The following NALF1 variants were observed in gnomAD, a reference collection of about 807,000 sequenced individuals.
The protein encoded by NALF1 is family with sequence similarity 155 member A.
NALF1 carries 3 observed loss-of-function variants against 48.4 expected under a neutral mutation model. The observed-to-expected ratio is 0.06, with a 90% CI of 0.03 to 0.16. The LOEUF (loss-of-function observed/expected upper bound fraction) is 0.16. Ranked by LOEUF, NALF1 falls within the 10% of genes least tolerant of loss-of-function variation. The pLI is 1.00. For missense variants in NALF1, 526 were observed against 571.5 expected (o/e 0.92, Z 0.81); for synonymous variants, 262 against 245.7 (o/e 1.07, Z -0.62).
chr13:107,617,661 A>C (rs1879416278), intron 1 of NALF1, among the ~76,000 whole-genome samples: 1 of 152,248 alleles, frequency 6.6e-6, no homozygotes, highest in South Asian at 2.1e-4. Flanking sequence ...CTAAGGCAGG[A>C]AAGCCTGGTA....
At chr13:107,798,864 G>T (rs930419177) in intron 1 of NALF1, among the ~76,000 whole-genome samples, 1 of 152,056 alleles carries the variant, frequency 6.6e-6, no homozygotes, top group Non-Finnish European at 1.5e-5. Flanking sequence ...AGAACAAAAC[G>T]CAACTTTTTC....
chr13:107,485,643 C>A (rs529277210), intron 1 of NALF1, among the ~76,000 whole-genome samples: 1 of 152,100 alleles, frequency 6.6e-6, no homozygotes, highest in Non-Finnish European at 1.5e-5. Context: ...CAGTAGAGAA[C>A]GAAGTTTGCA....
chr13:107,395,451 G>A (rs552650953), intron 1 of NALF1, among the ~76,000 whole-genome samples: 126 of 152,200 alleles, frequency 8.3e-4, no homozygotes, highest in African/African-American at 2.9e-3. Flanking sequence ...CCAGGAAGAC[G>A]CAGTCAAATC....
chr13:107,341,156 A>G (rs1882673186), intron 1 of NALF1, among the ~76,000 whole-genome samples: 1 of 151,784 alleles, frequency 6.6e-6, no homozygotes, highest in Non-Finnish European at 1.5e-5. Flanking sequence ...CCTAGACTCT[A>G]TCAATTGACA....
chr13:107,662,159 T>C (rs1262955542), intron 1 of NALF1, among the ~76,000 whole-genome samples: 1 of 152,190 alleles, frequency 6.6e-6, no homozygotes, highest in East Asian at 1.9e-4. Flanking sequence ...TTCTCTCCTC[T>C]CCCACTTTGG....
At chr13:107,246,517 T>C (rs917366146) in intron 1 of NALF1, among the ~76,000 whole-genome samples, 33 of 152,340 alleles carry the variant, frequency 2.2e-4, no homozygotes, top group African/African-American at 6.7e-4. Flanking sequence ...AAAGTCTTTT[T>C]CTGTTTTTCA....
At chr13:107,822,231 A>G (rs959768134) in intron 1 of NALF1, among the ~76,000 whole-genome samples, 4 of 152,080 alleles carry the variant, frequency 2.6e-5, no homozygotes, top group Non-Finnish European at 5.9e-5. Context: ...TTTGACTTCC[A>G]TTCCTTTTTA....
chr13:107,217,787 C>G (rs553846556), intron 1 of NALF1, among the ~76,000 whole-genome samples: 1 of 152,296 alleles, frequency 6.6e-6, no homozygotes, highest in East Asian at 1.9e-4. Flanking sequence ...GTGCTGCTCG[C>G]GCCATCAGCA....
chr13:107,584,638 C>T (rs1566403509), intron 1 of NALF1, among the ~76,000 whole-genome samples: 1 of 152,170 alleles, frequency 6.6e-6, no homozygotes, highest in Non-Finnish European at 1.5e-5. Flanking sequence ...GTAATGTTGA[C>T]TAAACTGCCC....
Position 107,528,321 on chromosome 13 carries a change from T to C in NALF1, c.916-317566A>G, listed in dbSNP as rs148271934. Among the ~76,000 whole-genome samples the C allele has an allele frequency of 2.0e-3, 299 of 152,234 alleles. 2 individuals are homozygous for C. Among genetic ancestry groups the C allele is most frequent in the African/African-American group, 6.9e-3 (287 of 41,544 alleles). ...TGTCATAATAAGTAAGTTAAAACTA[T>C]ATATTCTGGTTAAAACAAAAGCCTA... On this transcript the variant is annotated intron_variant, in intron 1 of 2. Transcript: ENST00000375915.
At chr13:107,591,567 T>G (rs1878603975) in intron 1 of NALF1, among the ~76,000 whole-genome samples, 1 of 152,018 alleles carries the variant, frequency 6.6e-6, no homozygotes, top group African/African-American at 2.4e-5. Flanking sequence ...TGCCTCCAAC[T>G]GAGTGAAATG....
intron 1 of NALF1, among the ~76,000 whole-genome samples, chr13:107,490,600 T>C (rs631155): frequency 0.013 from 2,002 of 152,020 alleles, 52 homozygotes; most frequent in African/African-American, 0.046. Context: ...TCAGGAAAAA[T>C]AACTAATGGG....
intron 1 of NALF1, among the ~76,000 whole-genome samples, chr13:107,426,159 G>C (rs761847267): frequency 6.6e-6 from 1 of 152,110 alleles, no homozygotes; most frequent in Non-Finnish European, 1.5e-5. Flanking sequence ...CTCCCTGACA[G>C]TTTGTATCCA....
intron 1 of NALF1, among the ~76,000 whole-genome samples, chr13:107,826,198 C>T (rs537584667): frequency 3.9e-5 from 6 of 152,326 alleles, no homozygotes; most frequent in East Asian, 1.9e-4. Context: ...GAGAAAGAGA[C>T]GGAACATTCA....
rs1234562245 is a variant in NALF1, at chr13:107,169,490, A to C, written c.*1007T>G. The C allele has an allele frequency of 2.0e-5, 3 of 152,162 alleles. No individual in the cohort carries two copies. Among genetic ancestry groups the C allele is most frequent in the African/African-American group, 7.2e-5 (3 of 41,440 alleles). The allele number at this position is 152,162 out of a possible 1,614,324, so 9.4% of individuals were successfully genotyped here. The stretch of plus-strand genomic sequence containing the variant: ...TTACTGCAACAGAACAAAAATCACA[A>C]TGAAAGCCCACCTTCATTGTCAAAA... On this transcript the variant is annotated 3_prime_UTR_variant, in exon 3 of 3. Coordinates refer to ENST00000375915, the MANE Select transcript of NALF1 (RefSeq NM_001080396.3).
chr13:107,481,644 C>T (rs547793347), intron 1 of NALF1, among the ~76,000 whole-genome samples: 11 of 152,066 alleles, frequency 7.2e-5, no homozygotes, highest in African/African-American at 2.2e-4. Context: ...GCTTTCTGCC[C>T]GAGAATCTCC....
At chr13:107,229,877 G>T (rs1880183838) in intron 1 of NALF1, among the ~76,000 whole-genome samples, 1 of 152,126 alleles carries the variant, frequency 6.6e-6, no homozygotes, top group African/African-American at 2.4e-5. Flanking sequence ...TATTTTTCTT[G>T]CCTGGATTCC....
At chr13:107,239,357 G>T (rs78919024) in intron 1 of NALF1, among the ~76,000 whole-genome samples, 1 of 152,058 alleles carries the variant, frequency 6.6e-6, no homozygotes, top group East Asian at 1.9e-4. Context: ...TGGTTTGCAG[G>T]TGCTTCACGC....
chr13:107,385,790 T>G (rs190524054), intron 1 of NALF1, among the ~76,000 whole-genome samples: 15 of 152,312 alleles, frequency 9.8e-5, no homozygotes, highest in Non-Finnish European at 2.1e-4. Flanking sequence ...TTTCTACATT[T>G]TTGTCCCATT....
Sources: gnomAD v4.1 joint callset for allele counts (sites outside exome capture counted in the v4.1 genomes callset) on GRCh38, gnomAD v4.1.1 for gene constraint, MANE v1.5 for transcripts, NCBI Gene and HGNC (gene_info 2026-07-23, HGNC 2026-07-21) for gene names.